SBNO2: variants seen among roughly 807,000 people sequenced by gnomAD.
The protein encoded by SBNO2 is protein strawberry notch homolog 2.
A neutral mutation model predicts 146.3 loss-of-function variants in SBNO2; 89 were observed. The ratio of observed to expected loss-of-function variants is 0.61; its 90% CI spans 0.51 to 0.73. SBNO2 has a LOEUF of 0.73. SBNO2 is among the 30% of genes least tolerant of loss of function. SBNO2 has a pLI of 0.00. For synonymous variants in SBNO2, 1,147 were observed against 892.6 expected (o/e 1.29, Z -5.08); for missense variants, 2,092 against 2,003.7 (o/e 1.04, Z -0.84).
At position 1,158,254 on chromosome 19, in the gene SBNO2, C is replaced by T. The variant is rs1184263202; in HGVS notation, c.-126-3852G>A. ...GGAGCCCCTTCGCGCGCTCCGCCCT[C>T]AGACCCGAGCCGTCTGCAGATGGGG... On this transcript the variant is annotated intron_variant, in intron 1 of 31. Coordinates refer to ENST00000361757, the MANE Select transcript of SBNO2 (RefSeq NM_014963.3). This position sits in a 1 kb window ranked among gnomAD's most constrained non-coding sequence, Gnocchi z 9.9. Among the ~76,000 whole-genome samples, 1 of 151,994 alleles carries T rather than the reference C, an allele frequency of 6.6e-6. No individual in the cohort carries two copies. The highest frequency in any genetic ancestry group is 1.9e-4 in the East Asian group (1 of 5,188).
chr19:1,125,175 AC>A (rs1275373701), intron 5 of SBNO2, among the ~76,000 whole-genome samples: 1 of 147,858 alleles, frequency 6.8e-6, no homozygotes. Context: ...GCATGCTGAA[AC>A]CCCGTCTCTA....
intron 1 of SBNO2, among the ~76,000 whole-genome samples, chr19:1,164,389 G>GGAA (rs2080381189): frequency 9.3e-6 from 1 of 107,546 alleles, no homozygotes; most frequent in Non-Finnish European, 2.0e-5. Flanking sequence ...AGTGGAGACA[G>GGAA]GAGGAGGAGG....
Position 1,157,975 on chromosome 19 carries a change from C to G in SBNO2, c.-126-3573G>C, listed in dbSNP as rs1189109615. ...TCCGCCTCCCAGCTCTCTCCTGAGT[C>G]CGGATAACTGTCCGCCTCCCAGCTC... On this transcript the variant is annotated intron_variant, in intron 1 of 31. Transcript: ENST00000361757. The surrounding 1 kb of genome is among the most constrained non-coding windows in gnomAD (Gnocchi z 6.8). Among the ~76,000 whole-genome samples the G allele has an allele frequency of 6.6e-6, 1 of 151,166 alleles. No individual in the cohort carries two copies. Among genetic ancestry groups the G allele is most frequent in the Non-Finnish European group, 1.5e-5 (1 of 67,816 alleles).
intron 13 of SBNO2, 58 bp from the exon 14 acceptor site, chr19:1,119,222 C>T (rs943421513): frequency 6.8e-5 from 105 of 1,539,760 alleles, no homozygotes; most frequent in East Asian, 6.0e-4. Context: ...TGGAGCCACT[C>T]GGAGCGCGAG....
intron 11 of SBNO2, chr19:1,120,250 C>T (rs546556771): frequency 3.6e-6 from 2 of 554,944 alleles, no homozygotes; most frequent in Admixed American, 3.2e-5. Flanking sequence ...GATGGCTCCT[C>T]CCAGACTCTA....
intron 7 of SBNO2, among the ~76,000 whole-genome samples, 165 bp downstream of exon 7, chr19:1,123,369 G>C (rs2079927739): frequency 6.6e-6 from 1 of 152,144 alleles, no homozygotes. Context: ...GCGAACCCCG[G>C]TTTTGTATAA....
chr19:1,129,771 C>T (rs1451960546), intron 4 of SBNO2, among the ~76,000 whole-genome samples: 1 of 152,200 alleles, frequency 6.6e-6, no homozygotes, highest in Non-Finnish European at 1.5e-5. Context: ...CCGCCCAGGC[C>T]TTGGTGGTGC....
intron 11 of SBNO2, among the ~76,000 whole-genome samples, chr19:1,120,510 G>C (rs1008647095): frequency 1.3e-5 from 2 of 152,126 alleles, no homozygotes; most frequent in African/African-American, 4.8e-5. Flanking sequence ...GGGACTACAG[G>C]TGTGTGCCAC....
intron 10 of SBNO2, 73 bp from the exon 11 acceptor site, chr19:1,122,355 T>G (rs1045191960): frequency 1.8e-5 from 28 of 1,513,874 alleles, no homozygotes; most frequent in Admixed American, 8.4e-5. Context: ...TCCCTATCTG[T>G]AAGGGTGCTG....
chr19:1,141,308 G>A (rs1426401223), intron 4 of SBNO2, among the ~76,000 whole-genome samples: 1 of 151,792 alleles, frequency 6.6e-6, no homozygotes, highest in Non-Finnish European at 1.5e-5. Context: ...TCTGCTTCCC[G>A]AGTTCAAGTG....
chr19:1,142,155 A>ACCC (rs1568608854), intron 4 of SBNO2, among the ~76,000 whole-genome samples: 3 of 61,634 alleles, frequency 4.9e-5, no homozygotes, highest in African/African-American at 1.4e-4. Flanking sequence ...CCCACGATCA[A>ACCC]TCCTCACTCA....
chr19:1,119,252 G>C, intron 13 of SBNO2, 88 bp from the exon 14 acceptor site: 1 of 1,460,214 alleles, frequency 6.8e-7, no homozygotes, highest in African/African-American at 1.4e-5. Context: ...GTCGCAGAGA[G>C]GGCGGGGTCG....
intron 4 of SBNO2, among the ~76,000 whole-genome samples, chr19:1,134,186 C>A (rs1012134980): frequency 6.6e-6 from 1 of 151,124 alleles, no homozygotes; most frequent in Non-Finnish European, 1.5e-5. Flanking sequence ...TCACAGCTCA[C>A]GGGTGGACTC....
In SBNO2 at chr19:1,127,718, C is replaced by T. The variant is rs375736069; in HGVS notation, c.327G>A (p.Ser109=). The change falls in exon 5 of 32, where the codon TCG becomes TCA. Residue 109 remains serine, a synonymous_variant. Coordinates refer to ENST00000361757, the MANE Select transcript of SBNO2 (RefSeq NM_014963.3). ...EDFSNISIFS[S]SVDSLSDIVD... Reference sequence around the variant, plus strand: ...CGATGTCCGACAGGGAGTCCACGGACGAGGAGAAGATGGAGATGTTGGAGA... The same window carrying T: ...CGATGTCCGACAGGGAGTCCACGGATGAGGAGAAGATGGAGATGTTGGAGA... The T allele has an allele frequency of 4.8e-5, 77 of 1,613,398 alleles. 1 individual carries two copies. In the South Asian group the frequency reaches 6.4e-4, roughly 13 times the overall value.
chr19:1,163,973 CAG>C (rs2080376037), intron 1 of SBNO2, among the ~76,000 whole-genome samples: 1 of 152,216 alleles, frequency 6.6e-6, no homozygotes, highest in Non-Finnish European at 1.5e-5. Flanking sequence ...TGGCCAGACT[CAG>C]CGCCCTGAGG....
chr19:1,166,435 C>T lies in SBNO2; in HGVS notation c.-127+7737G>A, dbSNP rs565561226. On this transcript the variant is annotated intron_variant, in intron 1 of 31. Transcript: ENST00000361757. ...GACAGGGTGGTGCGGCTTTCTGTGG[C>T]AGCCAAGCAGCTTCCACGCGGCTTC... Among the ~76,000 whole-genome samples, 6 of 152,294 alleles carry T rather than the reference C, an allele frequency of 3.9e-5. No individual in the cohort carries two copies. In the East Asian group the frequency reaches 5.8e-4, roughly 15 times the overall value.
At chr19:1,123,395 C>T in intron 7 of SBNO2, 139 bp downstream of exon 7, 2 of 720,624 alleles carry the variant, frequency 2.8e-6, no homozygotes, top group Non-Finnish European at 4.7e-6. Context: ...GATTGTAGAA[C>T]CTGTCCCCGG....
At position 1,108,827 on chromosome 19, in the gene SBNO2, A is replaced by AGCT. The variant is rs757700276; in HGVS notation, c.3565_3567dup (p.Ser1189dup). On this transcript the variant is annotated inframe_insertion, in exon 31 of 32. Transcript: ENST00000361757. ...GTCTTCAGCCGCACGATCTGCAGGT[A>AGCT]GCTGCTGCTGCTGACGTCGGCCATG... 1 of 1,602,336 alleles carries AGCT rather than the reference A, an allele frequency of 6.2e-7. No homozygotes were observed. The highest frequency in any genetic ancestry group is 8.5e-7 in the Non-Finnish European group (1 of 1,178,904).
At chr19:1,131,643 C>G (rs1025488778) in intron 4 of SBNO2, among the ~76,000 whole-genome samples, 3 of 152,202 alleles carry the variant, frequency 2.0e-5, no homozygotes, top group African/African-American at 7.2e-5. Flanking sequence ...ACCCAGCCTC[C>G]GCTCCCTACA....
Sources: allele counts gnomAD v4.1 joint callset (sites outside exome capture counted in the v4.1 genomes callset), GRCh38; gene constraint gnomAD v4.1.1; non-coding constraint Gnocchi (gnomAD v3.1); transcripts MANE v1.5; gene names NCBI Gene and HGNC (gene_info 2026-07-23, HGNC 2026-07-21).